TMEM132D: variants seen among roughly 807,000 people sequenced by gnomAD.
TMEM132D encodes the protein mature OL transmembrane protein.
A neutral mutation model predicts 62.3 loss-of-function variants in TMEM132D; 21 were observed. The observed-to-expected ratio is 0.34, with a 90% CI of 0.24 to 0.49. TMEM132D has a LOEUF of 0.49. TMEM132D is among the 20% of genes least tolerant of loss of function. The pLI, the probability that TMEM132D is intolerant of heterozygous loss-of-function variation, is 0.99. For missense variants in TMEM132D, 1,346 were observed against 1,402.8 expected, an observed-to-expected ratio of 0.96 and a Z score of 0.65; for synonymous variants, 621 against 575.6, an observed-to-expected ratio of 1.08 and a Z score of -1.13.
chr12:129,324,203 C>T (rs1486941763), intron 4 of TMEM132D, among the ~76,000 whole-genome samples: 1 of 152,118 alleles, frequency 6.6e-6, no homozygotes, highest in African/African-American at 2.4e-5. Context: ...CTTAGCCTGG[C>T]CTGGGTATCT....
At position 129,073,802 on chromosome 12, in the gene TMEM132D, G is replaced by A; in HGVS notation, c.*73C>T. 7.6e-7 allele frequency: 1 copy of A among 1,310,928 alleles called. No individual in the cohort carries two copies. Among genetic ancestry groups the A allele is most frequent in the South Asian group, 1.5e-5 (1 of 68,470 alleles). 81.2% of individuals were successfully genotyped at this position (1,310,928 alleles called of 1,614,324 possible). A position where few individuals can be genotyped will look rare whatever the true frequency, so the allele number is the denominator to read the frequency against. ...TCCTGCTGCTTTGTTTCTCTTCCGG[G>A]GGCACCGTTGCTACACATCCTGGAA... On this transcript the variant is annotated 3_prime_UTR_variant, in exon 9 of 9. Transcript: ENST00000422113.
At chr12:129,374,273 G>GAGAC (rs1555251817) in intron 3 of TMEM132D, among the ~76,000 whole-genome samples, 1 of 151,518 alleles carries the variant, frequency 6.6e-6, no homozygotes, top group African/African-American at 2.4e-5. Context: ...ACACATCAGA[G>GAGAC]AGAGAGAGAG....
chr12:129,501,501 T>C (rs1875139001), intron 3 of TMEM132D, among the ~76,000 whole-genome samples: 1 of 152,174 alleles, frequency 6.6e-6, no homozygotes, highest in Non-Finnish European at 1.5e-5. Flanking sequence ...CAGCAGATTT[T>C]TTTAATTTTT....
intron 1 of TMEM132D, among the ~76,000 whole-genome samples, chr12:129,837,303 G>A (rs1017604763): frequency 6.6e-6 from 1 of 152,168 alleles, no homozygotes; most frequent in African/African-American, 2.4e-5. Context: ...CTTTTCATGG[G>A]AAGTAAGCCT....
chr12:129,642,505 T>A (rs1182559876), intron 2 of TMEM132D, among the ~76,000 whole-genome samples: 1 of 152,176 alleles, frequency 6.6e-6, no homozygotes, highest in Non-Finnish European at 1.5e-5. Flanking sequence ...ATGCAGCTCT[T>A]CCTTCCATCC....
intron 4 of TMEM132D, among the ~76,000 whole-genome samples, chr12:129,258,268 C>A (rs1053999439): frequency 1.3e-5 from 2 of 151,896 alleles, no homozygotes; most frequent in African/African-American, 4.8e-5. Flanking sequence ...GCAGATAGTA[C>A]ATATATAAAT....
intron 1 of TMEM132D, among the ~76,000 whole-genome samples, chr12:129,703,870 C>T (rs1881441655): frequency 6.7e-6 from 1 of 150,116 alleles, no homozygotes; most frequent in Non-Finnish European, 1.5e-5. Context: ...ACAAGACTCT[C>T]AGTTTTCCCC....
At chr12:129,521,216 T>G (rs1875838775) in intron 3 of TMEM132D, 1 of 152,188 alleles carries the variant, frequency 6.6e-6, no homozygotes, top group Non-Finnish European at 1.5e-5. Context: ...GTGATACGAG[T>G]TGAATTTACA....
rs1429198063 is a variant in TMEM132D at position 129,088,030 on chromosome 12, C to T, written c.1444-3328G>A. 6.9e-5 allele frequency among the ~76,000 whole-genome samples: 4 copies of T among 58,084 alleles called. 1 individual carries two copies. The highest frequency in any genetic ancestry group is 1.2e-4 in the Non-Finnish European group (3 of 25,768). 38.1% of individuals were successfully genotyped at this position (58,084 alleles called of 152,430 possible). ...TCCATGACCGGGTGTCCTCCATGAC[C>T]GGGGTGTCCTCTATGACCGGGTGTC... On this transcript the variant is annotated intron_variant, in intron 5 of 8. Coordinates refer to ENST00000422113, the MANE Select transcript of TMEM132D (RefSeq NM_133448.3).
At chr12:129,636,740 G>C (rs908544915) in intron 2 of TMEM132D, among the ~76,000 whole-genome samples, 1 of 149,532 alleles carries the variant, frequency 6.7e-6, no homozygotes, top group Non-Finnish European at 1.5e-5. Flanking sequence ...GTGTGTGTGA[G>C]AGAGAGAGAG....
At chr12:129,553,534 G>A (rs2137107667) in intron 2 of TMEM132D, among the ~76,000 whole-genome samples, 1 of 152,316 alleles carries the variant, frequency 6.6e-6, no homozygotes, top group Non-Finnish European at 1.5e-5. Flanking sequence ...TTTGCAGCTG[G>A]CAGGGAGAGG....
chr12:129,539,692 G>A (rs551746360), intron 2 of TMEM132D, among the ~76,000 whole-genome samples: 22 of 151,992 alleles, frequency 1.4e-4, no homozygotes, highest in East Asian at 9.7e-4. Flanking sequence ...GATTACAGGC[G>A]TGAGCTACCA....
At chr12:129,105,389 G>A (rs1271168048) in intron 5 of TMEM132D, among the ~76,000 whole-genome samples, 32 of 116,070 alleles carry the variant, frequency 2.8e-4, no homozygotes, top group Admixed American at 1.3e-3. Context: ...TCTGGGGACC[G>A]TTGTGGGGTG....
intron 3 of TMEM132D, among the ~76,000 whole-genome samples, chr12:129,462,957 C>A (rs1014445106): frequency 1.3e-5 from 2 of 152,132 alleles, no homozygotes; most frequent in Non-Finnish European, 2.9e-5. Context: ...ATGAACCCAG[C>A]CTGGGAGTCC....
chr12:129,293,478 G>A (rs555489721), intron 4 of TMEM132D, among the ~76,000 whole-genome samples: 1 of 152,240 alleles, frequency 6.6e-6, no homozygotes, highest in African/African-American at 2.4e-5. Context: ...GGATGGTTTT[G>A]GGATGATTCA....
At chr12:129,654,664 C>T (rs556899815) in intron 2 of TMEM132D, among the ~76,000 whole-genome samples, 1 of 152,304 alleles carries the variant, frequency 6.6e-6, no homozygotes, top group South Asian at 2.1e-4. Flanking sequence ...CCGGAGGTGG[C>T]AATCATTTGG....
At chr12:129,892,438 T>A (rs1874955738) in intron 1 of TMEM132D, among the ~76,000 whole-genome samples, 1 of 152,196 alleles carries the variant, frequency 6.6e-6, no homozygotes, top group Non-Finnish European at 1.5e-5. Context: ...ATTGCCTAGC[T>A]TTCTACTTTT....
At chr12:129,577,693 T>A (rs528098021) in intron 2 of TMEM132D, among the ~76,000 whole-genome samples, 2 of 149,696 alleles carry the variant, frequency 1.3e-5, no homozygotes, top group Non-Finnish European at 2.9e-5. Flanking sequence ...CATGCGCAAC[T>A]TTTTTCAATT....
At chr12:129,209,432 A>G in intron 5 of TMEM132D, 88 bp downstream of exon 5, 1 of 1,528,158 alleles carries the variant, frequency 6.5e-7, no homozygotes, top group South Asian at 1.2e-5. Flanking sequence ...CAGAGGTCCC[A>G]GAGGTCCCAG....
Sources: gnomAD v4.1 joint callset for allele counts (sites outside exome capture counted in the v4.1 genomes callset) on GRCh38, gnomAD v4.1.1 for gene constraint, MANE v1.5 for transcripts, NCBI Gene and HGNC (gene_info 2026-07-23, HGNC 2026-07-21) for gene names.